The following RBPMS variants were observed in gnomAD, a reference collection of about 807,000 sequenced individuals.
RBPMS encodes the protein RNA-binding protein with multiple splicing.
In RBPMS, 7 loss-of-function variants were observed where a neutral mutation model predicts 26.8. The observed-to-expected ratio is 0.26, with a 90% CI of 0.15 to 0.49. The LOEUF is 0.49. Among genes scored for constraint, RBPMS ranks in the 20% least tolerant of loss-of-function variants. The probability of loss-of-function intolerance (pLI) is 0.98; values close to 1 mark genes in which losing one functional copy is unlikely to be tolerated. For missense variants in RBPMS, 186 were observed against 250.0 expected (o/e 0.74, Z 1.73); for synonymous variants, 96 against 93.3 (o/e 1.03, Z -0.17).
chr8:30,552,023 C>T, intron 6 of RBPMS, among the ~76,000 whole-genome samples: 1 of 152,162 alleles, frequency 6.6e-6, no homozygotes, highest in Non-Finnish European at 1.5e-5. Context: ...CTGAGCCCTC[C>T]CTGTAAGCTT....
chr8:30,554,123 C>A (rs2151073303), intron 6 of RBPMS, among the ~76,000 whole-genome samples: 1 of 152,352 alleles, frequency 6.6e-6, no homozygotes, highest in African/African-American at 2.4e-5. Flanking sequence ...TAGCTGACTT[C>A]TGAATGTGGT....
At position 30,474,790 on chromosome 8, in the gene RBPMS, A is replaced by T. The variant is rs770557248; in HGVS notation, c.78A>T (p.Leu26=). 6.2e-7 allele frequency: 1 copy of T among 1,610,650 alleles called. No homozygotes were observed. The highest frequency in any genetic ancestry group is 1.1e-5 in the South Asian group (1 of 91,014). ...ANLQEEEVRT[L]FVSGLPLDIK... ...ATTTATTTTTCCAGGTCCGGACCCT[A>T]TTTGTCAGTGGCCTTCCTCTGGATA... Residue 26 remains leucine (L), a synonymous_variant, in exon 2 of 9, where the codon CTA becomes CTT. Transcript: ENST00000397323.
At chr8:30,447,851 G>A (rs1202231470) in intron 1 of RBPMS, among the ~76,000 whole-genome samples, 3 of 151,882 alleles carry the variant, frequency 2.0e-5, no homozygotes, top group African/African-American at 7.3e-5. Context: ...AGTAATTTGG[G>A]GAATTTTAAA....
intron 6 of RBPMS, among the ~76,000 whole-genome samples, chr8:30,552,055 G>C (rs954154661): frequency 7.9e-5 from 12 of 152,136 alleles, no homozygotes; most frequent in African/African-American, 2.9e-4. Flanking sequence ...AGGACACAGG[G>C]ACTCCTGACC....
Position 30,558,868 on chromosome 8 carries a change from T to G in RBPMS, c.529-19T>G. 2 of 1,612,518 alleles carry G rather than the reference T, an allele frequency of 1.2e-6. No individual in the cohort carries two copies. The highest frequency in any genetic ancestry group is 8.5e-7 in the Non-Finnish European group (1 of 1,178,624). ...TGCTGGGGAGCCCTGGCTCACGGCC[T>G]TCTCCCATGTCTTTTCAGATGCGCT... On this transcript the variant is annotated intron_variant, in intron 6 of 8. Coordinates refer to ENST00000397323, the MANE Select transcript of RBPMS (RefSeq NM_001008710.3).
chr8:30,450,175 T>C (rs548208612), intron 1 of RBPMS, among the ~76,000 whole-genome samples: 2 of 152,368 alleles, frequency 1.3e-5, no homozygotes, highest in Admixed American at 6.5e-5. Flanking sequence ...TTGCTACATA[T>C]AGACACTTTA....
intron 5 of RBPMS, among the ~76,000 whole-genome samples, chr8:30,527,050 C>T (rs1027489998): frequency 6.6e-6 from 1 of 152,208 alleles, no homozygotes; most frequent in East Asian, 1.9e-4. Flanking sequence ...TACATACTTA[C>T]AAAACTTTCC....
chr8:30,443,474 G>C (rs562628286), intron 1 of RBPMS, among the ~76,000 whole-genome samples: 1 of 152,246 alleles, frequency 6.6e-6, no homozygotes, highest in South Asian at 2.1e-4. Flanking sequence ...AGTTTCCTTA[G>C]CTGCAAAATA....
At chr8:30,449,215 T>G (rs1299292603) in intron 1 of RBPMS, among the ~76,000 whole-genome samples, 5 of 152,154 alleles carry the variant, frequency 3.3e-5, no homozygotes, top group Non-Finnish European at 7.3e-5. Flanking sequence ...TTTTTAAACT[T>G]GGATTTTGTT....
At chr8:30,423,871 T>C (rs554093620) in intron 1 of RBPMS, among the ~76,000 whole-genome samples, 5 of 152,096 alleles carry the variant, frequency 3.3e-5, no homozygotes, top group African/African-American at 1.2e-4. Flanking sequence ...TGAGTCTCAC[T>C]CTGCCACCCA....
chr8:30,466,621 G>A (rs1816532650), intron 1 of RBPMS, among the ~76,000 whole-genome samples: 1 of 147,980 alleles, frequency 6.8e-6, no homozygotes, highest in Non-Finnish European at 1.5e-5. Flanking sequence ...TTGAGACGGA[G>A]TCTTGCTCTG....
Position 30,410,700 on chromosome 8 carries a change from T to C in RBPMS, c.66+25542T>C, listed in dbSNP as rs187722827. Among the ~76,000 whole-genome samples, 239 of 151,412 alleles carry C rather than the reference T, an allele frequency of 1.6e-3. 1 individual carries two copies. Among genetic ancestry groups the C allele is most frequent in the Non-Finnish European group, 2.3e-3 (156 of 67,920 alleles). ...AATAAACATTATTTGATAACTGACA[T>C]TGAAATTTTCTTTTTTCCTTTTTTT... is the stretch of plus-strand genomic sequence containing the variant. On this transcript the variant is annotated intron_variant, in intron 1 of 8. Transcript: ENST00000397323.
chr8:30,541,401 G>GA (rs1438255502), intron 5 of RBPMS, among the ~76,000 whole-genome samples: 2 of 152,002 alleles, frequency 1.3e-5, no homozygotes, highest in African/African-American at 2.4e-5. Context: ...CTCATGCTAA[G>GA]AAAAAAAGCC....
intron 7 of RBPMS, among the ~76,000 whole-genome samples, chr8:30,562,432 A>T (rs948616208): frequency 1.3e-5 from 2 of 150,858 alleles, no homozygotes; most frequent in Non-Finnish European, 1.5e-5. Flanking sequence ...GCCTGTGGGG[A>T]GCAGGTGAGG....
rs1554543821 is a variant in RBPMS at position 30,549,772 on chromosome 8, T to TCTC, written c.528+5148_528+5149insCTC. ...TTTCCTTTTCTTTTCTTTTCTTTTC[T>TCTC]TCTCTCTCTCTCTCTCTCTCTCTCC... is the stretch of plus-strand genomic sequence containing the variant. On this transcript the variant is annotated intron_variant, in intron 6 of 8. Transcript: ENST00000397323. Among the ~76,000 whole-genome samples the TCTC allele has an allele frequency of 4.8e-3, 339 of 71,092 alleles. 4 individuals carry two copies. The highest frequency in any genetic ancestry group is 6.1e-3 in the Admixed American group (39 of 6,364). 46.6% of individuals were successfully genotyped at this position (71,092 alleles called of 152,430 possible).
chr8:30,560,134 A>G (rs548398090), intron 7 of RBPMS, among the ~76,000 whole-genome samples: 46 of 152,302 alleles, frequency 3.0e-4, no homozygotes, highest in Middle Eastern at 3.4e-3. Flanking sequence ...AGAGCATTGA[A>G]TAAGATTTTT....
At chr8:30,518,687 C>CTTTTTTTTTT (rs58763494) in intron 5 of RBPMS, among the ~76,000 whole-genome samples, 1,459 of 18,230 alleles carry the variant, frequency 0.08, 570 homozygotes, top group East Asian at 0.1. Flanking sequence ...CCAAGCATGA[C>CTTTTTTTTTT]TTTTTTTTTT....
At chr8:30,462,426 G>A (rs554149723) in intron 1 of RBPMS, among the ~76,000 whole-genome samples, 2 of 150,560 alleles carry the variant, frequency 1.3e-5, no homozygotes, top group African/African-American at 4.9e-5. Context: ...TTTTTTGTTT[G>A]TTTGTTTGTT....
intron 1 of RBPMS, among the ~76,000 whole-genome samples, chr8:30,432,805 G>A (rs1395374757): frequency 8.0e-6 from 1 of 124,376 alleles, no homozygotes; most frequent in Non-Finnish European, 1.6e-5. Flanking sequence ...GAACAAGGCA[G>A]GGAATAAATA....
Sources: allele counts gnomAD v4.1 joint callset (sites outside exome capture counted in the v4.1 genomes callset), GRCh38; gene constraint gnomAD v4.1.1; transcripts MANE v1.5; gene names NCBI Gene and HGNC (gene_info 2026-07-23, HGNC 2026-07-21).